HMGCLL1: variants seen among roughly 807,000 people sequenced by gnomAD.
HMGCLL1 encodes 3-hydroxymethyl-3-methylglutaryl-CoA lyase, cytoplasmic.
In HMGCLL1, 36 loss-of-function variants were observed where a neutral mutation model predicts 39.1. The observed-to-expected ratio is 0.92, with a 90% CI of 0.71 to 1.22. The LOEUF is 1.22. Among genes scored for constraint, HMGCLL1 ranks in the 50% most tolerant of loss-of-function variants. HMGCLL1 has a pLI of 0.00. For missense variants in HMGCLL1, 451 were observed against 416.5 expected (o/e 1.08, Z -0.72); for synonymous variants, 149 against 144.0 (o/e 1.03, Z -0.25).
In HMGCLL1 at chr6:55,550,166, A is replaced by G. The variant is rs576058639; in HGVS notation, c.109-8026T>C. On this transcript the variant is annotated intron_variant, in intron 1 of 8. Transcript: ENST00000274901. Reference sequence around the variant, plus strand: ...GGCAGAAGGGGTTGAGAAAAATGTTACCATATCCTAGTGAAGTTAGGTGAA... The same window carrying G: ...GGCAGAAGGGGTTGAGAAAAATGTTGCCATATCCTAGTGAAGTTAGGTGAA... 3.3e-5 allele frequency among the ~76,000 whole-genome samples: 5 copies of G among 152,106 alleles called. No homozygotes were observed. In the East Asian group the frequency reaches 7.7e-4, roughly 23 times the overall value.
At chr6:55,519,181 G>T (rs1054523834) in intron 3 of HMGCLL1, among the ~76,000 whole-genome samples, 2 of 152,068 alleles carry the variant, frequency 1.3e-5, no homozygotes, top group African/African-American at 4.8e-5. Flanking sequence ...GTTGAGAAAG[G>T]AGAAGACTGG....
At chr6:55,598,934 T>TA in the HMGCLL1 span, among the ~76,000 whole-genome samples, 1 of 152,110 alleles carries the variant, frequency 6.6e-6, no homozygotes. Flanking sequence ...AATGCAGCCA[T>TA]AAAAAAGGAT....
chr6:55,464,092 T>C (rs539158658), intron 7 of HMGCLL1, among the ~76,000 whole-genome samples: 16 of 152,270 alleles, frequency 1.1e-4, no homozygotes, highest in Non-Finnish European at 1.2e-4. Flanking sequence ...TTGAAAGATA[T>C]GCATGTTGAA....
intron 4 of HMGCLL1, among the ~76,000 whole-genome samples, chr6:55,516,241 A>C (rs1420657328): frequency 6.6e-6 from 1 of 152,124 alleles, no homozygotes; most frequent in East Asian, 1.9e-4. Context: ...GAAGCACAAA[A>C]TATACTTCTA....
the HMGCLL1 span, among the ~76,000 whole-genome samples, chr6:55,606,461 G>T: frequency 2.0e-5 from 3 of 152,060 alleles, no homozygotes; most frequent in Non-Finnish European, 4.4e-5. Flanking sequence ...GAAGTATCTT[G>T]GTTCCTAGCC....
chr6:55,630,264 A>G, the HMGCLL1 span, among the ~76,000 whole-genome samples: 1 of 152,100 alleles, frequency 6.6e-6, no homozygotes, highest in Non-Finnish European at 1.5e-5. Context: ...GAACTTTAAG[A>G]TTTGACTGCC....
At chr6:55,584,505 G>C in the HMGCLL1 span, among the ~76,000 whole-genome samples, 4 of 152,006 alleles carry the variant, frequency 2.6e-5, no homozygotes, top group Admixed American at 6.6e-5. Context: ...TAAATTACAG[G>C]GTTGTTGGCA....
At chr6:55,618,337 A>G in the HMGCLL1 span, among the ~76,000 whole-genome samples, 2 of 149,494 alleles carry the variant, frequency 1.3e-5, no homozygotes, top group African/African-American at 4.9e-5. Context: ...AAAAAAAGTA[A>G]AAAAAAAAAG....
At chr6:55,467,937 C>A (rs746431369) in intron 7 of HMGCLL1, among the ~76,000 whole-genome samples, 6 of 151,960 alleles carry the variant, frequency 3.9e-5, no homozygotes, top group Non-Finnish European at 8.8e-5. Context: ...AGAAACACCT[C>A]TTCAGGAAGT....
intron 7 of HMGCLL1, among the ~76,000 whole-genome samples, chr6:55,487,388 C>G (rs574208232): frequency 6.6e-6 from 1 of 152,104 alleles, no homozygotes; most frequent in Admixed American, 6.6e-5. Context: ...TGATGGTTTG[C>G]TGCACCTATC....
At chr6:55,465,956 C>T (rs15771) in intron 7 of HMGCLL1, among the ~76,000 whole-genome samples, 25,895 of 151,872 alleles carry the variant, frequency 0.17, 2,424 homozygotes, top group African/African-American at 0.26. Context: ...AACCACTGCC[C>T]TTAACCTTTA....
At chr6:55,497,513 A>G (rs1766643236) in intron 6 of HMGCLL1, among the ~76,000 whole-genome samples, 1 of 152,110 alleles carries the variant, frequency 6.6e-6, no homozygotes, top group South Asian at 2.1e-4. Context: ...TGGGGAAATG[A>G]ATATTGACAT....
the HMGCLL1 span, among the ~76,000 whole-genome samples, chr6:55,617,052 T>C: frequency 4.6e-5 from 7 of 152,142 alleles, no homozygotes; most frequent in Admixed American, 4.6e-4. Flanking sequence ...TTCCAACTTT[T>C]ACTTTCACGG....
intron 7 of HMGCLL1, among the ~76,000 whole-genome samples, chr6:55,450,369 A>C (rs1764028937): frequency 6.6e-6 from 1 of 152,232 alleles, no homozygotes. Context: ...CAGTTTCAGA[A>C]GACAGACTTC....
At chr6:55,630,139 A>T in the HMGCLL1 span, among the ~76,000 whole-genome samples, 1 of 152,156 alleles carries the variant, frequency 6.6e-6, no homozygotes, top group Non-Finnish European at 1.5e-5. Flanking sequence ...AGCATCTAGA[A>T]GGAGGAGTAT....
intron 5 of HMGCLL1, 57 bp downstream of exon 5, chr6:55,513,991 G>A (rs1400100979): frequency 6.9e-7 from 1 of 1,443,824 alleles, no homozygotes; most frequent in South Asian, 1.3e-5. Flanking sequence ...GATAATTTTT[G>A]AGTAAGCTTT....
In HMGCLL1 at chr6:55,463,584, A is replaced by C. The variant is rs537066471; in HGVS notation, c.796-24025T>G. ...AATTGTAATACAACTGCTTCAAAAT[A>C]TAATAATACAAATATAACATTTTTG... On this transcript the variant is annotated intron_variant, in intron 7 of 8. Coordinates refer to ENST00000274901, the MANE Select transcript of HMGCLL1 (RefSeq NM_001042406.2). 3.2e-4 allele frequency among the ~76,000 whole-genome samples: 48 copies of C among 152,300 alleles called. No individual in the cohort carries two copies. In the South Asian group the frequency reaches 9.9e-3, roughly 32 times the overall value.
At chr6:55,468,341 G>C (rs897150843) in intron 7 of HMGCLL1, among the ~76,000 whole-genome samples, 3 of 151,956 alleles carry the variant, frequency 2.0e-5, no homozygotes, top group Non-Finnish European at 4.4e-5. Flanking sequence ...CTAGCATCTA[G>C]TAGAGAACAA....
intron 1 of HMGCLL1, among the ~76,000 whole-genome samples, chr6:55,573,651 AAAAG>A (rs1199923051): frequency 6.6e-6 from 1 of 152,154 alleles, no homozygotes; most frequent in Non-Finnish European, 1.5e-5. Flanking sequence ...TACGGAGAAG[AAAAG>A]AAAGAATGAA....
Sources: allele counts gnomAD v4.1 joint callset (sites outside exome capture counted in the v4.1 genomes callset), GRCh38; gene constraint gnomAD v4.1.1; transcripts MANE v1.5; gene names NCBI Gene and HGNC (gene_info 2026-07-23, HGNC 2026-07-21).